Variants in CA6 observed in about 807,000 individuals in gnomAD.
CA6 encodes carbonate dehydratase VI.
CA6 carries 28 observed loss-of-function variants against 35.9 expected under a neutral mutation model. That is an observed-to-expected ratio of 0.78 (90% CI 0.58 to 1.07). The LOEUF is 1.07. Ranked by LOEUF, CA6 falls within the 50% of genes least tolerant of loss-of-function variation. CA6 has a pLI of 0.00. For synonymous variants in CA6, 148 were observed against 152.6 expected, an observed-to-expected ratio of 0.97 and a Z score of 0.22; for missense variants, 377 against 382.0, an observed-to-expected ratio of 0.99 and a Z score of 0.11.
intron 7 of CA6, among the ~76,000 whole-genome samples, chr1:8,971,223 A>G (rs1465237738): frequency 1.3e-5 from 2 of 151,908 alleles, no homozygotes; most frequent in Admixed American, 1.3e-4. Flanking sequence ...GTGATTTATT[A>G]CCTACCTAGT....
chr1:8,972,639 C>T (rs1640139749), intron 7 of CA6, among the ~76,000 whole-genome samples: 2 of 151,962 alleles, frequency 1.3e-5, no homozygotes, highest in East Asian at 1.9e-4. Flanking sequence ...GCCGAGATTG[C>T]GCCACTGCAC....
intron 7 of CA6, among the ~76,000 whole-genome samples, chr1:8,971,775 C>A (rs780695361): frequency 5.3e-5 from 8 of 152,228 alleles, no homozygotes; most frequent in South Asian, 2.1e-4. Context: ...CAGACCCCAG[C>A]GTGCTGGAAG....
intron 7 of CA6, among the ~76,000 whole-genome samples, chr1:8,973,784 C>CTCTTTCTTTCT (rs1553164190): frequency 1.9e-4 from 10 of 52,012 alleles, no homozygotes; most frequent in Non-Finnish European, 3.5e-4. Context: ...TTCTTTCTTT[C>CTCTTTCTTTCT]TTTTCCCTCC....
intron 4 of CA6, among the ~76,000 whole-genome samples, chr1:8,959,315 CTTT>C (rs869139632): frequency 5.8e-5 from 8 of 137,114 alleles, no homozygotes; most frequent in Non-Finnish European, 4.8e-5. Context: ...TCTGCATTTC[CTTT>C]TTTTTTTTTT....
At chr1:8,950,776 G>A (rs1023834691) in intron 2 of CA6, among the ~76,000 whole-genome samples, 1 of 151,926 alleles carries the variant, frequency 6.6e-6, no homozygotes, top group East Asian at 1.9e-4. Flanking sequence ...GCTGAGGTGG[G>A]AGGATCACTT....
At chr1:8,959,089 T>C in intron 4 of CA6, 87 bp downstream of exon 4, 1 of 771,760 alleles carries the variant, frequency 1.3e-6, no homozygotes, top group Middle Eastern at 2.3e-4. Context: ...AACAGTCTTC[T>C]TTATTATCAC....
chr1:8,966,899 G>A (rs72862219), intron 5 of CA6, among the ~76,000 whole-genome samples: 3,946 of 152,142 alleles, frequency 0.026, 194 homozygotes, highest in African/African-American at 0.09. Context: ...GGTTTCCAGC[G>A]GTTGTGGCAG....
At chr1:8,966,266 TGC>T (rs1380667426) in intron 5 of CA6, among the ~76,000 whole-genome samples, 1 of 151,940 alleles carries the variant, frequency 6.6e-6, no homozygotes, top group Non-Finnish European at 1.5e-5. Context: ...CGTGCCACCA[TGC>T]CCAGCTAATT....
rs748071028 is a variant in CA6, at chr1:8,949,165, C to T, written c.80-98C>T. 9.0e-5 allele frequency: 84 copies of T among 938,158 alleles called. 1 individual carries two copies. The highest frequency in any genetic ancestry group is 1.1e-4 in the Non-Finnish European group (71 of 654,692). The allele number at this position is 938,158 out of a possible 1,614,324, so 58.1% of individuals were successfully genotyped here. ...TCTGGAAGGTGCCTCCGTGGGTCCCCGCCCAGCAGGCCCTGGCCTCTGGCC... is the reference window on the plus strand; with the variant it reads ...TCTGGAAGGTGCCTCCGTGGGTCCCTGCCCAGCAGGCCCTGGCCTCTGGCC... On this transcript the variant is annotated intron_variant, in intron 1 of 7. Coordinates refer to ENST00000377443, the MANE Select transcript of CA6 (RefSeq NM_001215.4).
rs1639759038 is a variant in CA6, at chr1:8,958,853, CT to C, written c.409-55del. 3.2e-6 allele frequency: 3 copies of C among 944,592 alleles called. No homozygotes were observed. The Admixed American group carries it at 5.9e-5, about 19-fold the overall frequency. 58.5% of individuals were successfully genotyped at this position (944,592 alleles called of 1,614,324 possible). On this transcript the variant is annotated intron_variant, in intron 3 of 7. Transcript: ENST00000377443. Reference sequence around the variant, plus strand: ...TTTCTCTTCCTCCTTCCCTGGAAATCTTAAGCATTTGAATTTCTATGAACTG... The same window carrying C: ...TTTCTCTTCCTCCTTCCCTGGAAATCTAAGCATTTGAATTTCTATGAACTG...
At chr1:8,960,230 CAAA>C (rs199920089) in intron 4 of CA6, among the ~76,000 whole-genome samples, 2 of 90,736 alleles carry the variant, frequency 2.2e-5, no homozygotes, top group Non-Finnish European at 2.4e-5. Flanking sequence ...GACTCCGTCT[CAAA>C]AAAAAAAAAA....
intron 2 of CA6, chr1:8,951,356 A>T (rs1639527737): frequency 2.9e-6 from 2 of 688,834 alleles, no homozygotes; most frequent in South Asian, 3.3e-5. Flanking sequence ...ACAAAGAATG[A>T]ACAAAAGCCT....
intron 4 of CA6, among the ~76,000 whole-genome samples, chr1:8,960,390 A>G (rs1309961726): frequency 6.6e-6 from 1 of 151,882 alleles, no homozygotes; most frequent in Non-Finnish European, 1.5e-5. Context: ...TGTGGCTGGG[A>G]GAAAAATTAA....
chr1:8,949,559 C>T (rs1298160701), intron 2 of CA6, 117 bp downstream of exon 2: 3 of 858,538 alleles, frequency 3.5e-6, no homozygotes, highest in Non-Finnish European at 5.5e-6. Context: ...GGCCTCAGAG[C>T]TGGAGGCCTC....
At chr1:8,947,399 G>A (rs1639394368) in intron 1 of CA6, among the ~76,000 whole-genome samples, 1 of 152,092 alleles carries the variant, frequency 6.6e-6, no homozygotes, top group African/African-American at 2.4e-5. Flanking sequence ...CCTTCAGGGT[G>A]AACGGGATGA....
intron 1 of CA6, among the ~76,000 whole-genome samples, chr1:8,948,931 C>T (rs1639442272): frequency 6.6e-6 from 1 of 151,524 alleles, no homozygotes; most frequent in African/African-American, 2.4e-5. Flanking sequence ...GATTGCACCA[C>T]TGCACTCCAA....
intron 7 of CA6, among the ~76,000 whole-genome samples, chr1:8,973,621 G>C (rs945898138): frequency 6.6e-6 from 1 of 152,084 alleles, no homozygotes; most frequent in South Asian, 2.1e-4. Context: ...CAGGGAACCC[G>C]AATTGTGGCC....
At chr1:8,955,370 T>A (rs1639646777) in intron 2 of CA6, among the ~76,000 whole-genome samples, 1 of 152,142 alleles carries the variant, frequency 6.6e-6, no homozygotes, top group East Asian at 1.9e-4. Context: ...AGTAAGACCC[T>A]GCCTCAATTA....
intron 3 of CA6, among the ~76,000 whole-genome samples, chr1:8,958,390 A>T (rs768577257): frequency 6.6e-6 from 1 of 151,396 alleles, no homozygotes; most frequent in Admixed American, 6.6e-5. Context: ...CTGGTCTCAA[A>T]CTCCTGACCT....
Sources: gnomAD v4.1 joint callset for allele counts (sites outside exome capture counted in the v4.1 genomes callset) on GRCh38, gnomAD v4.1.1 for gene constraint, MANE v1.5 for transcripts, NCBI Gene and HGNC (gene_info 2026-07-23, HGNC 2026-07-21) for gene names.